OLFM3: variants seen among roughly 807,000 people sequenced by gnomAD.
OLFM3 encodes noelin-3.
OLFM3 carries 20 observed loss-of-function variants against 48.6 expected under a neutral mutation model. That is an observed-to-expected ratio of 0.41 (90% CI 0.29 to 0.60). The LOEUF (loss-of-function observed/expected upper bound fraction) is 0.60. OLFM3 is among the 20% of genes least tolerant of loss of function. The probability of loss-of-function intolerance (pLI) is 0.28; values close to 1 mark genes in which losing one functional copy is unlikely to be tolerated. For synonymous variants in OLFM3, 222 were observed against 198.1 expected, an observed-to-expected ratio of 1.12 and a Z score of -1.01; for missense variants, 437 against 544.3, an observed-to-expected ratio of 0.80 and a Z score of 1.96.
Position 101,804,686 on chromosome 1 carries a change from T to C in OLFM3, c.929A>G (p.Tyr310Cys), listed in dbSNP as rs774395091. 3 of 1,612,584 alleles carry C rather than the reference T, an allele frequency of 1.9e-6. No individual in the cohort carries two copies. Among genetic ancestry groups the C allele is most frequent in the Admixed American group, 1.7e-5 (1 of 59,814 alleles). Residue 310 changes from tyrosine to cysteine, a missense_variant, in exon 6 of 6, where the codon TAT becomes TGT. Coordinates refer to ENST00000370103, the MANE Select transcript of OLFM3 (RefSeq NM_058170.4). This position sits in a 1 kb window ranked among gnomAD's most constrained non-coding sequence, Gnocchi z 4.5. ...GRVLAQRSLE[Y>C]AGFHNVYPYT... ...GGGGTAAACATTATGAAAACCAGCA[T>C]ACTCCAGGCTTCGTTGGGCAAGCAC... is the stretch of plus-strand genomic sequence containing the variant.
At chr1:101,819,898 G>C (rs543127913) in intron 4 of OLFM3, among the ~76,000 whole-genome samples, 1 of 152,130 alleles carries the variant, frequency 6.6e-6, no homozygotes, top group African/African-American at 2.4e-5. Flanking sequence ...TTCTTGCATA[G>C]ATTTGAAATA....
At chr1:101,850,563 G>C (rs1656184957) in intron 1 of OLFM3, among the ~76,000 whole-genome samples, 1 of 151,896 alleles carries the variant, frequency 6.6e-6, no homozygotes, top group African/African-American at 2.4e-5. Flanking sequence ...ATATTTCCTA[G>C]TTTGGGACTG....
intron 1 of OLFM3, among the ~76,000 whole-genome samples, chr1:101,987,433 G>T (rs1289556676): frequency 1.3e-5 from 2 of 152,150 alleles, no homozygotes; most frequent in African/African-American, 4.8e-5. Context: ...GGTCTTTAGA[G>T]AGTCTTGAGC....
At chr1:101,964,110 G>GC (rs1342268259) in intron 1 of OLFM3, among the ~76,000 whole-genome samples, 8 of 152,158 alleles carry the variant, frequency 5.3e-5, no homozygotes, top group African/African-American at 1.9e-4. Context: ...TTAACACTGA[G>GC]CAAAGCTTTA....
chr1:101,896,218 T>G (rs1658195619), intron 1 of OLFM3, among the ~76,000 whole-genome samples: 1 of 151,982 alleles, frequency 6.6e-6, no homozygotes, highest in African/African-American at 2.4e-5. Context: ...CTGACCAGGT[T>G]GTGTTTAATA....
At chr1:101,937,782 TTTC>T (rs1659668203) in intron 1 of OLFM3, among the ~76,000 whole-genome samples, 1 of 152,210 alleles carries the variant, frequency 6.6e-6, no homozygotes, top group African/African-American at 2.4e-5. Flanking sequence ...TCTCAAATAC[TTTC>T]TTATCAAAGG....
intron 1 of OLFM3, among the ~76,000 whole-genome samples, chr1:101,908,239 A>G (rs1393832966): frequency 6.6e-6 from 1 of 152,366 alleles, no homozygotes; most frequent in Admixed American, 6.5e-5. Context: ...ATAACATCTT[A>G]GTAAGAGGAA....
At chr1:101,831,337 C>T (rs944256053) in intron 2 of OLFM3, among the ~76,000 whole-genome samples, 1 of 152,182 alleles carries the variant, frequency 6.6e-6, no homozygotes, top group East Asian at 1.9e-4. Context: ...TTGACTAAGA[C>T]AAGTGGTAGC....
At chr1:101,893,125 A>G (rs776135859) in intron 1 of OLFM3, 4 of 212,544 alleles carry the variant, frequency 1.9e-5, no homozygotes, top group Non-Finnish European at 3.8e-5. Flanking sequence ...ATGCAGAGTA[A>G]AAGGAAATGT....
chr1:101,818,911 C>T (rs994444686), intron 4 of OLFM3, among the ~76,000 whole-genome samples: 3 of 152,106 alleles, frequency 2.0e-5, no homozygotes, highest in African/African-American at 7.2e-5. Context: ...TTTTTGTCCA[C>T]TGTGTTTCAG....
chr1:101,920,960 T>C (rs1146726), intron 1 of OLFM3, among the ~76,000 whole-genome samples: 8 of 152,190 alleles, frequency 5.3e-5, no homozygotes, highest in African/African-American at 1.9e-4. Context: ...ACTTCTACTG[T>C]TATAAGTACA....
intron 3 of OLFM3, 71 bp from the exon 4 acceptor site, chr1:101,825,316 G>T: frequency 8.8e-7 from 1 of 1,141,316 alleles, no homozygotes; most frequent in Non-Finnish European, 1.3e-6. Context: ...TTTTTATTAT[G>T]ATACTTAAAG....
chr1:101,919,383 T>C (rs760649522), intron 1 of OLFM3, among the ~76,000 whole-genome samples: 8 of 152,220 alleles, frequency 5.3e-5, no homozygotes, highest in Non-Finnish European at 5.9e-5. Context: ...TTTGCTCCCG[T>C]TATACGGAAA....
At chr1:101,902,458 C>T (rs1269633556) in intron 1 of OLFM3, among the ~76,000 whole-genome samples, 8 of 151,766 alleles carry the variant, frequency 5.3e-5, no homozygotes, top group African/African-American at 1.9e-4. Context: ...GCATGTTTGC[C>T]ACCCAAAAGG....
chr1:101,812,756 G>A, intron 4 of OLFM3: 2 of 987,540 alleles, frequency 2.0e-6, no homozygotes, highest in Non-Finnish European at 2.4e-6. Flanking sequence ...AAAGCTTCTG[G>A]CTCTTAAACT....
At chr1:101,822,757 A>T (rs1445199781) in intron 4 of OLFM3, among the ~76,000 whole-genome samples, 1 of 152,144 alleles carries the variant, frequency 6.6e-6, no homozygotes, top group Non-Finnish European at 1.5e-5. Flanking sequence ...TGGGCATTAA[A>T]CTAAAGATAT....
chr1:101,907,699 G>T (rs1353765514), intron 1 of OLFM3, among the ~76,000 whole-genome samples: 1 of 152,162 alleles, frequency 6.6e-6, no homozygotes, highest in Non-Finnish European at 1.5e-5. Flanking sequence ...CTGCTCTAAG[G>T]CTAACTTGTA....
At chr1:101,846,481 G>C (rs1655998900) in intron 1 of OLFM3, among the ~76,000 whole-genome samples, 1 of 151,748 alleles carries the variant, frequency 6.6e-6, no homozygotes, top group Non-Finnish European at 1.5e-5. Flanking sequence ...CTTACTTTGT[G>C]GGAAAAATTA....
chr1:101,858,420 T>A (rs756299354), intron 1 of OLFM3, among the ~76,000 whole-genome samples: 3 of 152,002 alleles, frequency 2.0e-5, no homozygotes, highest in Non-Finnish European at 2.9e-5. Flanking sequence ...GATCTCCCAT[T>A]CTAGTGGGAT....
Sources: allele counts gnomAD v4.1 joint callset (sites outside exome capture counted in the v4.1 genomes callset), GRCh38; gene constraint gnomAD v4.1.1; non-coding constraint Gnocchi (gnomAD v3.1); transcripts MANE v1.5; gene names NCBI Gene and HGNC (gene_info 2026-07-23, HGNC 2026-07-21).